NUBPL: variants seen among roughly 807,000 people sequenced by gnomAD.
The protein encoded by NUBPL is iron-sulfur cluster transfer protein NUBPL.
In NUBPL, 31 loss-of-function variants were observed where a neutral mutation model predicts 45.7. That is an observed-to-expected ratio of 0.68 (90% CI 0.51 to 0.92). The LOEUF (loss-of-function observed/expected upper bound fraction) is 0.92, where lower values mean the gene tolerates loss of function less well. Ranked by LOEUF, NUBPL falls within the 40% of genes least tolerant of loss-of-function variation. The pLI is 0.00. For missense variants in NUBPL, 401 were observed against 398.7 expected (o/e 1.01, Z -0.05); for synonymous variants, 144 against 140.9 (o/e 1.02, Z -0.15).
chr14:31,787,219 A>T (rs1222370277), intron 6 of NUBPL, among the ~76,000 whole-genome samples: 3 of 152,218 alleles, frequency 2.0e-5, no homozygotes, highest in Admixed American at 1.3e-4. Flanking sequence ...ATGAAGGCTG[A>T]GCAGTAAGGA....
intron 4 of NUBPL, among the ~76,000 whole-genome samples, chr14:31,624,738 T>C (rs193188227): frequency 1.3e-5 from 2 of 152,256 alleles, no homozygotes; most frequent in East Asian, 3.9e-4. Flanking sequence ...CTAATTTTTG[T>C]ATTTTTAGTA....
At chr14:31,702,632 C>G (rs1020928540) in intron 6 of NUBPL, among the ~76,000 whole-genome samples, 2 of 152,174 alleles carry the variant, frequency 1.3e-5, no homozygotes, top group South Asian at 4.1e-4. Flanking sequence ...CTGAAACTTT[C>G]TAGTAATTAA....
Position 31,850,202 on chromosome 14 carries a change from G to A in NUBPL, c.897+1G>A, listed in dbSNP as rs1566598149. The A allele has an allele frequency of 1.2e-6, 2 of 1,610,484 alleles. No homozygotes were observed. The highest frequency in any genetic ancestry group is 1.3e-5 in the African/African-American group (1 of 74,810). The stretch of plus-strand genomic sequence containing the variant: ...GTTTTCACAGCCTGAAAGTGATGAG[G>A]TAAGTTCCATTTTTGGATACATATT... On this transcript the variant is annotated splice_donor_variant, in intron 10 of 10. Transcript: ENST00000281081. LOFTEE classifies it high-confidence loss of function.
intron 4 of NUBPL, among the ~76,000 whole-genome samples, chr14:31,661,677 A>C (rs1028208340): frequency 6.6e-5 from 10 of 152,092 alleles, no homozygotes; most frequent in African/African-American, 2.4e-4. Flanking sequence ...AGTAGCTGGG[A>C]CTATAGGCGC....
intron 9 of NUBPL, among the ~76,000 whole-genome samples, chr14:31,849,286 G>A (rs2040502250): frequency 6.6e-6 from 1 of 152,084 alleles, no homozygotes; most frequent in Non-Finnish European, 1.5e-5. Flanking sequence ...CATGGATTTG[G>A]AGTGGTTCTG....
intron 6 of NUBPL, among the ~76,000 whole-genome samples, chr14:31,780,693 C>T (rs901844542): frequency 6.6e-6 from 1 of 152,120 alleles, no homozygotes; most frequent in Non-Finnish European, 1.5e-5. Flanking sequence ...TAGCCAATTG[C>T]AAGTGCTTCC....
intron 6 of NUBPL, among the ~76,000 whole-genome samples, chr14:31,706,551 G>A (rs1214131181): frequency 2.0e-5 from 3 of 152,222 alleles, no homozygotes; most frequent in African/African-American, 7.2e-5. Flanking sequence ...GATTTCAGAA[G>A]CCTTTTCCTG....
At chr14:31,676,617 A>C (rs1315797891) in intron 6 of NUBPL, among the ~76,000 whole-genome samples, 1 of 152,042 alleles carries the variant, frequency 6.6e-6, no homozygotes, top group Non-Finnish European at 1.5e-5. Flanking sequence ...CCATTCTAAT[A>C]GATATAAAAT....
chr14:31,831,759 A>G (rs1307716501), intron 8 of NUBPL, among the ~76,000 whole-genome samples: 8 of 152,214 alleles, frequency 5.3e-5, no homozygotes, highest in Non-Finnish European at 1.5e-5. Flanking sequence ...GGTTTGGTAG[A>G]GCCCTAAACA....
In NUBPL at chr14:31,850,216, T is replaced by G. The variant is rs1281204597; in HGVS notation, c.897+15T>G. 1.3e-6 allele frequency: 2 copies of G among 1,593,370 alleles called. No individual in the cohort carries two copies. Among genetic ancestry groups the G allele is most frequent in the Admixed American group, 3.3e-5 (2 of 60,000 alleles). ...AAAGTGATGAGGTAAGTTCCATTTT[T>G]GGATACATATTTTTATTTCTTTTTA... On this transcript the variant is annotated intron_variant, in intron 10 of 10. Transcript: ENST00000281081.
chr14:31,746,268 G>A lies in NUBPL; in HGVS notation c.514-41512G>A, dbSNP rs148408489. Among the ~76,000 whole-genome samples, 5 of 152,090 alleles carry A rather than the reference G, an allele frequency of 3.3e-5. No homozygotes were observed. The East Asian group carries it at 9.6e-4, about 29-fold the overall frequency. The stretch of plus-strand genomic sequence containing the variant: ...GAGTGGGCATCCTTGTCTTGTTCCA[G>A]TTCCTAGAGGAAAAGATTTCAACTT... On this transcript the variant is annotated intron_variant, in intron 6 of 10. Transcript: ENST00000281081.
intron 3 of NUBPL, among the ~76,000 whole-genome samples, chr14:31,591,512 T>G (rs1317186599): frequency 6.6e-6 from 1 of 152,152 alleles, no homozygotes; most frequent in Non-Finnish European, 1.5e-5. Context: ...TTGTAATAGA[T>G]TTTCTTTCAT....
chr14:31,784,181 A>G (rs936780258), intron 6 of NUBPL, among the ~76,000 whole-genome samples: 6 of 152,172 alleles, frequency 3.9e-5, no homozygotes, highest in African/African-American at 1.4e-4. Context: ...AAAACAAAGA[A>G]ATTTAACAGG....
intron 4 of NUBPL, among the ~76,000 whole-genome samples, chr14:31,655,419 T>C (rs1246090206): frequency 6.6e-6 from 1 of 152,028 alleles, no homozygotes; most frequent in Non-Finnish European, 1.5e-5. Context: ...CAGTAATATT[T>C]TGAAAGGAAT....
chr14:31,562,439 C>G (rs754943125), intron 2 of NUBPL, among the ~76,000 whole-genome samples: 2 of 152,086 alleles, frequency 1.3e-5, no homozygotes, highest in Non-Finnish European at 2.9e-5. Flanking sequence ...AAAAAGTGGT[C>G]AGATTGTACA....
chr14:31,594,956 G>A (rs2034244421), intron 3 of NUBPL, among the ~76,000 whole-genome samples: 1 of 152,100 alleles, frequency 6.6e-6, no homozygotes, highest in Non-Finnish European at 1.5e-5. Flanking sequence ...ATAATTGGGT[G>A]GGAACGTTCT....
chr14:31,582,183 G>A (rs1434050083), intron 3 of NUBPL, among the ~76,000 whole-genome samples: 2 of 151,796 alleles, frequency 1.3e-5, no homozygotes, highest in African/African-American at 4.8e-5. Flanking sequence ...TATCATAGTA[G>A]GGACAATTTG....
rs114761971 is a variant in NUBPL, at chr14:31,678,963, C to T, written c.513+5389C>T. On this transcript the variant is annotated intron_variant, in intron 6 of 10. Coordinates refer to ENST00000281081, the MANE Select transcript of NUBPL (RefSeq NM_025152.3). Reference sequence around the variant, plus strand: ...TTGAGGCTTGCTGGAACTCAGGTTCCGACCTCTGGGATGAGCGATTCCCCT... The same window carrying T: ...TTGAGGCTTGCTGGAACTCAGGTTCTGACCTCTGGGATGAGCGATTCCCCT... Among the ~76,000 whole-genome samples the T allele has an allele frequency of 8.7e-3, 1,327 of 152,260 alleles. 20 individuals carry two copies. The highest frequency in any genetic ancestry group is 0.03 in the African/African-American group (1,247 of 41,540).
chr14:31,695,518 G>A (rs1388688586), intron 6 of NUBPL, among the ~76,000 whole-genome samples: 2 of 152,020 alleles, frequency 1.3e-5, no homozygotes, highest in Admixed American at 6.5e-5. Context: ...GTTGGGAGGT[G>A]GGGCCTAATG....
Sources: allele counts gnomAD v4.1 joint callset (sites outside exome capture counted in the v4.1 genomes callset), GRCh38; gene constraint gnomAD v4.1.1; transcripts MANE v1.5; gene names NCBI Gene and HGNC (gene_info 2026-07-23, HGNC 2026-07-21).